PRKCA: variants seen among roughly 807,000 people sequenced by gnomAD.
PRKCA encodes protein kinase C alpha type.
Under a neutral mutation model 87.0 loss-of-function variants are expected in PRKCA, and 27 were observed. The ratio of observed to expected loss-of-function variants is 0.31; its 90% CI spans 0.23 to 0.43. PRKCA has a LOEUF of 0.43. Among genes scored for constraint, PRKCA ranks in the 20% least tolerant of loss-of-function variants. The probability of loss-of-function intolerance (pLI) is 1.00; values close to 1 mark genes in which losing one functional copy is unlikely to be tolerated. For synonymous variants in PRKCA, 329 were observed against 311.1 expected, an observed-to-expected ratio of 1.06 and a Z score of -0.61; for missense variants, 518 against 852.3, an observed-to-expected ratio of 0.61 and a Z score of 4.88.
At chr17:66,377,701 T>TTATA (rs1276051811) in intron 2 of PRKCA, among the ~76,000 whole-genome samples, 40 of 77,930 alleles carry the variant, frequency 5.1e-4, no homozygotes, top group African/African-American at 1.4e-3. Context: ...AGTCTATGTT[T>TTATA]TATATATATA....
At position 66,688,440 on chromosome 17, in the gene PRKCA, T is replaced by G. The variant is rs956449447; in HGVS notation, c.821+4T>G. ...TGAAGATGCCGGCCAGTGGATGGTA[T>G]GGAAGCCGCTTAGGTTGAGTATGTC... is the stretch of plus-strand genomic sequence containing the variant. On this transcript the variant is annotated splice_donor_region_variant and intron_variant, in intron 7 of 16. Transcript: ENST00000413366. 23 of 1,614,004 alleles carry G rather than the reference T, an allele frequency of 1.4e-5. No individual in the cohort carries two copies. The highest frequency in any genetic ancestry group is 1.9e-5 in the Non-Finnish European group (22 of 1,180,004).
chr17:66,574,485 G>A (rs58958350), intron 3 of PRKCA, among the ~76,000 whole-genome samples: 24,377 of 152,066 alleles, frequency 0.16, 2,643 homozygotes, highest in African/African-American at 0.31. Context: ...TGTCTAGCAC[G>A]GAGAAACAGC....
intron 3 of PRKCA, among the ~76,000 whole-genome samples, chr17:66,549,037 C>A (rs1240275222): frequency 6.6e-6 from 1 of 151,970 alleles, no homozygotes; most frequent in Non-Finnish European, 1.5e-5. Flanking sequence ...AACTCCTGGG[C>A]TCAAGTGACC....
intron 3 of PRKCA, among the ~76,000 whole-genome samples, chr17:66,500,618 T>C (rs888232684): frequency 6.6e-6 from 1 of 152,136 alleles, no homozygotes; most frequent in East Asian, 1.9e-4. Context: ...CCAGTGGGCT[T>C]GTGGTTGATT....
intron 2 of PRKCA, among the ~76,000 whole-genome samples, chr17:66,344,844 C>A (rs1471377547): frequency 6.6e-6 from 1 of 152,182 alleles, no homozygotes; most frequent in Non-Finnish European, 1.5e-5. Flanking sequence ...CGGCTCACTG[C>A]AACTTCCACC....
chr17:66,653,524 G>A (rs1027307723), intron 5 of PRKCA, among the ~76,000 whole-genome samples: 1 of 152,160 alleles, frequency 6.6e-6, no homozygotes, highest in African/African-American at 2.4e-5. Flanking sequence ...CCAGGAGTTC[G>A]AGGTAACAGG....
intron 3 of PRKCA, among the ~76,000 whole-genome samples, chr17:66,609,538 G>T (rs1220430974): frequency 6.6e-6 from 1 of 152,160 alleles, no homozygotes; most frequent in African/African-American, 2.4e-5. Context: ...TTACCACAGT[G>T]TATAGATAAG....
At chr17:66,530,891 C>T (rs1426861943) in intron 3 of PRKCA, among the ~76,000 whole-genome samples, 1 of 152,072 alleles carries the variant, frequency 6.6e-6, no homozygotes, top group Non-Finnish European at 1.5e-5. Context: ...CCTACCTTGC[C>T]CCTGGTATGG....
At chr17:66,607,912 T>G (rs974369484) in intron 3 of PRKCA, among the ~76,000 whole-genome samples, 4 of 152,210 alleles carry the variant, frequency 2.6e-5, no homozygotes, top group Admixed American at 2.0e-4. Context: ...GTGGATTATC[T>G]GTTTGGGTAG....
intron 2 of PRKCA, among the ~76,000 whole-genome samples, chr17:66,488,380 G>C (rs1916079763): frequency 6.6e-6 from 1 of 152,176 alleles, no homozygotes; most frequent in Non-Finnish European, 1.5e-5. Flanking sequence ...TAGCCTTGCT[G>C]ACGCCAAGAT....
In PRKCA at chr17:66,738,761, C is replaced by T; in HGVS notation, c.1231-3C>T. ...TGCTCATGTGTTGAACCTTGGTCTGCAGGATCGGCTGTACTTCGTCATGGA... is the reference window on the plus strand; with the variant it reads ...TGCTCATGTGTTGAACCTTGGTCTGTAGGATCGGCTGTACTTCGTCATGGA... On this transcript the variant is annotated splice_polypyrimidine_tract_variant and splice_region_variant and intron_variant, in intron 10 of 16. Transcript: ENST00000413366. 2 of 1,613,260 alleles carry T rather than the reference C, an allele frequency of 1.2e-6. No homozygotes were observed. Among genetic ancestry groups the T allele is most frequent in the Non-Finnish European group, 1.7e-6 (2 of 1,179,546 alleles).
In PRKCA at chr17:66,735,613, T is replaced by C. The variant is rs1568003918; in HGVS notation, c.1181T>C (p.Leu394Pro). 7 of 1,614,078 alleles carry C rather than the reference T, an allele frequency of 4.3e-6. No individual in the cohort carries two copies. The highest frequency in any genetic ancestry group is 5.9e-6 in the Non-Finnish European group (7 of 1,180,044). ...GTAGAAAAGCGAGTCTTGGCCCTGC[T>C]TGACAAACCCCCGTTCTTGACGCAG... ...TMVEKRVLAL[L>P]DKPPFLTQLH... Residue 394 changes from leucine to proline, a missense_variant, in exon 10 of 17, where the codon CTT (leucine) becomes CCT (proline). By Grantham distance (98) the Leu-to-Pro change is moderately conservative. Transcript: ENST00000413366.
chr17:66,446,450 CA>C (rs1914043678), intron 2 of PRKCA, among the ~76,000 whole-genome samples: 1 of 152,174 alleles, frequency 6.6e-6, no homozygotes, highest in Non-Finnish European at 1.5e-5. Context: ...CAGGCATTTT[CA>C]ATGTCTTCTG....
chr17:66,444,698 C>T (rs1032982455), intron 2 of PRKCA, among the ~76,000 whole-genome samples: 6 of 152,126 alleles, frequency 3.9e-5, no homozygotes, highest in Non-Finnish European at 7.4e-5. Context: ...CAATGAATTT[C>T]GGGGAGAATC....
At chr17:66,481,523 C>T (rs959751441) in intron 2 of PRKCA, among the ~76,000 whole-genome samples, 6 of 152,116 alleles carry the variant, frequency 3.9e-5, no homozygotes, top group Non-Finnish European at 8.8e-5. Flanking sequence ...TGTTGGATGT[C>T]GGGGCTCCTG....
At chr17:66,439,821 A>T (rs1426966714) in intron 2 of PRKCA, among the ~76,000 whole-genome samples, 1 of 152,180 alleles carries the variant, frequency 6.6e-6, no homozygotes, top group Non-Finnish European at 1.5e-5. Context: ...TGTGCATTTT[A>T]CCTTAAGGAC....
intron 2 of PRKCA, among the ~76,000 whole-genome samples, chr17:66,329,447 T>C (rs1486429530): frequency 6.6e-6 from 1 of 152,128 alleles, no homozygotes; most frequent in East Asian, 1.9e-4. Flanking sequence ...TGGAGAGTCA[T>C]CTGCTTACAA....
chr17:66,490,098 T>C (rs1916170322), intron 2 of PRKCA, among the ~76,000 whole-genome samples: 1 of 152,164 alleles, frequency 6.6e-6, no homozygotes, highest in Non-Finnish European at 1.5e-5. Context: ...TCTTTCTTGA[T>C]GTCATAATGA....
intron 3 of PRKCA, among the ~76,000 whole-genome samples, chr17:66,525,388 A>G (rs1372430852): frequency 2.0e-5 from 3 of 152,206 alleles, no homozygotes; most frequent in African/African-American, 7.2e-5. Flanking sequence ...CCTATTTGTC[A>G]TGAATGAAAT....
Sources: allele counts gnomAD v4.1 joint callset (sites outside exome capture counted in the v4.1 genomes callset), GRCh38; gene constraint gnomAD v4.1.1; transcripts MANE v1.5; gene names NCBI Gene and HGNC (gene_info 2026-07-23, HGNC 2026-07-21).